ERBB4: variants seen among roughly 807,000 people sequenced by gnomAD.
ERBB4 encodes the protein erb-b2 receptor tyrosine kinase 4.
Under a neutral mutation model 158.0 loss-of-function variants are expected in ERBB4, and 42 were observed. The observed-to-expected ratio is 0.27, with a 90% CI of 0.21 to 0.34. ERBB4 has a LOEUF of 0.34. ERBB4 is among the 10% of genes least tolerant of loss of function. ERBB4 has a pLI of 1.00. For missense variants in ERBB4, 1,333 were observed against 1,624.1 expected (o/e 0.82, Z 3.08); for synonymous variants, 583 against 558.7 (o/e 1.04, Z -0.61).
chr2:211,876,835 GTTTT>G (rs1047267349), intron 3 of ERBB4, among the ~76,000 whole-genome samples: 2 of 151,950 alleles, frequency 1.3e-5, no homozygotes, highest in Non-Finnish European at 2.9e-5. Flanking sequence ...TTTTTAAAAT[GTTTT>G]TTTATCATGC....
intron 1 of ERBB4, among the ~76,000 whole-genome samples, chr2:212,195,835 G>T (rs2105890340): frequency 6.6e-6 from 1 of 152,242 alleles, no homozygotes; most frequent in Non-Finnish European, 1.5e-5. Flanking sequence ...GGGAATACAT[G>T]ATTGAATAGT....
At chr2:212,285,718 T>TA (rs1456657558) in intron 1 of ERBB4, among the ~76,000 whole-genome samples, 7 of 152,248 alleles carry the variant, frequency 4.6e-5, no homozygotes, top group Non-Finnish European at 5.9e-5. Context: ...GGAAAAATTA[T>TA]AAAAAAATTG....
rs558436622 is a variant in ERBB4, at chr2:211,879,339, T to C, written c.421+68091A>G. Among the ~76,000 whole-genome samples, 13 of 152,274 alleles carry C rather than the reference T, an allele frequency of 8.5e-5. No individual in the cohort carries two copies. In the South Asian group the frequency reaches 2.1e-3, roughly 24 times the overall value. On this transcript the variant is annotated intron_variant, in intron 3 of 27. Transcript: ENST00000342788. ...ATAAGGAAAATTGATGAATACCATA[T>C]AGAATAACAGGCAAAATATATAAAT...
intron 2 of ERBB4, among the ~76,000 whole-genome samples, chr2:211,992,786 C>G (rs377279257): frequency 1.3e-5 from 2 of 152,244 alleles, no homozygotes; most frequent in East Asian, 3.9e-4. Flanking sequence ...CCCCATACAC[C>G]AGTGTGTTGC....
At chr2:211,926,600 T>G (rs1397054395) in intron 3 of ERBB4, among the ~76,000 whole-genome samples, 4 of 152,166 alleles carry the variant, frequency 2.6e-5, no homozygotes, top group Non-Finnish European at 5.9e-5. Flanking sequence ...GAAGTGTGAT[T>G]ACACAACTGC....
chr2:212,037,836 C>A (rs1204201585), intron 2 of ERBB4, among the ~76,000 whole-genome samples: 1 of 152,104 alleles, frequency 6.6e-6, no homozygotes, highest in Non-Finnish European at 1.5e-5. Context: ...ATAAAAACAT[C>A]TAGACCAAAC....
intron 2 of ERBB4, among the ~76,000 whole-genome samples, chr2:212,077,433 G>A (rs533354357): frequency 1.3e-5 from 2 of 152,128 alleles, no homozygotes; most frequent in African/African-American, 2.4e-5. Context: ...GTGTTTGTGT[G>A]TGTGTAATGG....
chr2:211,565,906 T>C (rs1331600739), intron 19 of ERBB4, among the ~76,000 whole-genome samples: 1 of 152,186 alleles, frequency 6.6e-6, no homozygotes, highest in Non-Finnish European at 1.5e-5. Context: ...CTGAAATCAT[T>C]GTTTTTCACA....
intron 20 of ERBB4, among the ~76,000 whole-genome samples, chr2:211,434,211 G>A (rs2063802560): frequency 6.6e-6 from 1 of 151,918 alleles, no homozygotes; most frequent in Admixed American, 6.6e-5. Context: ...TGCCAATAGG[G>A]AACTAAGGCA....
intron 2 of ERBB4, among the ~76,000 whole-genome samples, chr2:211,970,453 A>C (rs556659114): frequency 1.4e-4 from 21 of 152,084 alleles, no homozygotes; most frequent in African/African-American, 4.8e-4. Context: ...TTCTGTCTTG[A>C]TGATCTAATA....
At chr2:212,331,154 G>A (rs10207664) in intron 1 of ERBB4, among the ~76,000 whole-genome samples, 10,809 of 144,936 alleles carry the variant, frequency 0.075, 526 homozygotes, top group African/African-American at 0.13. Flanking sequence ...ATAACTTTAC[G>A]TGTAACACTT....
At position 212,123,803 on chromosome 2, in the gene ERBB4, A is replaced by C. The variant is rs576699275; in HGVS notation, c.234+949T>G. Among the ~76,000 whole-genome samples, 116 of 152,310 alleles carry C rather than the reference A, an allele frequency of 7.6e-4. 1 individual carries two copies. The highest frequency in any genetic ancestry group is 1.4e-3 in the Non-Finnish European group (94 of 68,016). On this transcript the variant is annotated intron_variant, in intron 2 of 27. Transcript: ENST00000342788. ...AGTATAGAATTATTAACATTATCAT[A>C]GATCTCTAAATAATTTACTATCCAC...
chr2:212,381,475 T>C (rs1560168468), intron 1 of ERBB4, among the ~76,000 whole-genome samples: 4 of 151,336 alleles, frequency 2.6e-5, no homozygotes, highest in South Asian at 4.1e-4. Context: ...TACATGTATA[T>C]GTGTAGTGAG....
Position 211,750,620 on chromosome 2 carries a change from C to G in ERBB4, c.622+19G>C, listed in dbSNP as rs201171241. On this transcript the variant is annotated intron_variant, in intron 5 of 27. Coordinates refer to ENST00000342788, the MANE Select transcript of ERBB4 (RefSeq NM_005235.3). ...CTTGACCACATCAAACCTGTGTGCT[C>G]TCACTGATGAACACTTACAAGTCTG... is the stretch of plus-strand genomic sequence containing the variant. 4.8e-5 allele frequency: 78 copies of G among 1,609,166 alleles called. No homozygotes were observed. The highest frequency in any genetic ancestry group is 6.6e-5 in the Non-Finnish European group (78 of 1,175,626).
chr2:211,729,504 A>T (rs1235670052), intron 5 of ERBB4, among the ~76,000 whole-genome samples: 1 of 151,810 alleles, frequency 6.6e-6, no homozygotes, highest in Non-Finnish European at 1.5e-5. Context: ...GGTTAAAAAA[A>T]ATATTTCTTT....
chr2:212,286,670 C>T lies in ERBB4; in HGVS notation c.83-161767G>A, dbSNP rs577505560. Among the ~76,000 whole-genome samples the T allele has an allele frequency of 3.3e-4, 44 of 135,126 alleles. 1 individual carries two copies. In the South Asian group the frequency reaches 5.9e-3, roughly 18 times the overall value. The allele number at this position is 135,126 out of a possible 152,430, so 88.6% of individuals were successfully genotyped here. A position where few individuals can be genotyped will look rare whatever the true frequency, so the allele number is the denominator to read the frequency against. On this transcript the variant is annotated intron_variant, in intron 1 of 27. Transcript: ENST00000342788. ...TAGCTGGAGTGCAATGGGGCAATCT[C>T]GACTCACTGCAGCCTTGACCTCCTG... is the stretch of plus-strand genomic sequence containing the variant.
At chr2:211,775,435 T>G (rs2075848744) in intron 4 of ERBB4, among the ~76,000 whole-genome samples, 1 of 152,244 alleles carries the variant, frequency 6.6e-6, no homozygotes, top group Admixed American at 6.5e-5. Flanking sequence ...GGTAAAAATT[T>G]CTATTGCCTA....
At chr2:212,118,002 T>C (rs528436085) in intron 2 of ERBB4, among the ~76,000 whole-genome samples, 30 of 152,320 alleles carry the variant, frequency 2.0e-4, no homozygotes, top group African/African-American at 6.7e-4. Context: ...TACTCTTCAA[T>C]GTAGGGTTTT....
chr2:212,324,875 C>T (rs1488469803), intron 1 of ERBB4, among the ~76,000 whole-genome samples: 1 of 148,296 alleles, frequency 6.7e-6, no homozygotes. Context: ...TCAGTATGCT[C>T]AAAAATTTTT....
Sources: allele counts gnomAD v4.1 joint callset (sites outside exome capture counted in the v4.1 genomes callset), GRCh38; gene constraint gnomAD v4.1.1; transcripts MANE v1.5; gene names NCBI Gene and HGNC (gene_info 2026-07-23, HGNC 2026-07-21).